The following TYSND1 variants were observed in gnomAD, a reference collection of about 807,000 sequenced individuals.
TYSND1 encodes the protein trypsin like peroxisomal matrix peptidase 1.
TYSND1 carries 30 observed loss-of-function variants against 37.2 expected under a neutral mutation model. That is an observed-to-expected ratio of 0.81 (90% confidence interval 0.60 to 1.09). The LOEUF is 1.09. Ranked by LOEUF, TYSND1 falls within the 50% of genes least tolerant of loss-of-function variation. The pLI is 0.00. For missense variants in TYSND1, 806 were observed against 817.4 expected, an observed-to-expected ratio of 0.99 and a Z score of 0.17; for synonymous variants, 364 against 383.8, an observed-to-expected ratio of 0.95 and a Z score of 0.60.
Position 70,146,393 on chromosome 10 carries a change from G to A in TYSND1, c.194C>T (p.Thr65Ile), listed in dbSNP as rs755900764. Residue 65 changes from threonine (T) to isoleucine (I), a missense_variant, in exon 1 of 4, where the codon ACC becomes ATC. Thr to Ile is a moderately conservative substitution (Grantham distance 89, BLOSUM62 -1). Around this residue, in one of 3 missense-constraint regions of TYSND1, gnomAD observed 14 missense variants for 33.0 expected, o/e 0.42. Coordinates refer to ENST00000287078, the MANE Select transcript of TYSND1 (RefSeq NM_173555.4). Reference protein sequence around the residue: ...PFLRAGSEVLTAAGAVFLPGD... With the variant: ...PFLRAGSEVLIAAGAVFLPGD... The stretch of plus-strand genomic sequence containing the variant: ...AGGCAGGAAGACGGCGCCGGCCGCG[G>A]TCAGGACTTCGCTGCCAGCTCGCAG... 5.7e-6 allele frequency: 9 copies of A among 1,585,986 alleles called. No homozygotes were observed. Among genetic ancestry groups the A allele is most frequent in the Non-Finnish European group, 6.0e-6 (7 of 1,171,862 alleles).
At chr10:70,144,541 T>C in intron 1 of TYSND1, 2 of 987,572 alleles carry the variant, frequency 2.0e-6, no homozygotes, top group Non-Finnish European at 2.4e-6. Flanking sequence ...ACATTCAGCG[T>C]CAACTCCCGG....
rs750844425 is a variant in TYSND1 at position 70,145,530 on chromosome 10, C to T, written c.1057G>A (p.Gly353Ser). The T allele has an allele frequency of 1.3e-6, 2 of 1,519,198 alleles. No homozygotes were observed. Among genetic ancestry groups the T allele is most frequent in the African/African-American group, 1.4e-5 (1 of 70,164 alleles). 94.1% of individuals were successfully genotyped at this position (1,519,198 alleles called of 1,614,324 possible). A position where few individuals can be genotyped will look rare whatever the true frequency, so the allele number is the denominator to read the frequency against. The part of the protein sequence containing the change: ...WAAAAVLVEC[G>S]TVWGSGVAVA... ...GCCACTCCGGAGCCCCATACGGTGC[C>T]GCACTCCACCAACACTGCCGCGGCT... Residue 353 changes from glycine (G) to serine (S), a missense_variant, in exon 1 of 4, where the codon GGC becomes AGC. Gly to Ser is a moderately conservative substitution (Grantham distance 56). Around this residue, in one of 3 missense-constraint regions of TYSND1, gnomAD observed 708 missense variants for 705.4 expected, o/e 1.00. Transcript: ENST00000287078.
rs1022119664 is a variant in TYSND1 at position 70,139,890 on chromosome 10, G to A, written c.*34C>T. The A allele has an allele frequency of 6.3e-7, 1 of 1,588,368 alleles. No individual in the cohort carries two copies. The highest frequency in any genetic ancestry group is 8.6e-7 in the Non-Finnish European group (1 of 1,163,554). On this transcript the variant is annotated 3_prime_UTR_variant, in exon 4 of 4. Coordinates refer to ENST00000287078, the MANE Select transcript of TYSND1 (RefSeq NM_173555.4). ...AACATCACTTCCTACAGCAGAAAAA[G>A]GTCACTCTTCTTTCCAAAGGTGGTA...
At position 70,139,942 on chromosome 10, in the gene TYSND1, G is replaced by A; in HGVS notation, c.1683C>T (p.Ala561=). The change falls in exon 4 of 4, where the codon GCC becomes GCT. Residue 561 remains alanine (A), a synonymous_variant. Transcript: ENST00000287078. ...CACAGCCTCAGAGCTTGCTCCGCGG[G>A]GCCTCTGCCAGGGGCCGCTGCAACC... The part of the protein sequence containing the change: ...VWRLQRPLAE[A]PRSKL The A allele has an allele frequency of 5.0e-6, 8 of 1,613,240 alleles. No homozygotes were observed. The highest frequency in any genetic ancestry group is 6.8e-6 in the Non-Finnish European group (8 of 1,179,812).
At chr10:70,143,691 TGCCCCACCA>T in intron 2 of TYSND1, 142 bp downstream of exon 2, 1 of 912,298 alleles carries the variant, frequency 1.1e-6, no homozygotes, top group Non-Finnish European at 1.6e-6. Context: ...GCACTCCATG[TGCCCCACCA>T]GCACAAAAAG....
chr10:70,144,776 C>T (rs935655206), intron 1 of TYSND1: 1 of 985,514 alleles, frequency 1.0e-6, no homozygotes, highest in South Asian at 4.7e-5. Context: ...AGTGGGGACA[C>T]CTATGGCAAA....
intron 2 of TYSND1, 103 bp downstream of exon 2, chr10:70,143,739 A>G (rs945498696): frequency 1.4e-6 from 2 of 1,464,192 alleles, no homozygotes; most frequent in Non-Finnish European, 1.9e-6. Flanking sequence ...ACCTTGACCA[A>G]TGCTACCCTG....
rs1451486423 is a variant in TYSND1, at chr10:70,146,296, G to A, written c.291C>T (p.Gly97=). 5 of 1,478,982 alleles carry A rather than the reference G, an allele frequency of 3.4e-6. No homozygotes were observed. The highest frequency in any genetic ancestry group is 3.6e-6 in the Non-Finnish European group (4 of 1,124,786). The allele number at this position is 1,478,982 out of a possible 1,614,324, so 91.6% of individuals were successfully genotyped here. ...WAPTAAGPGG[G]AERGRPGLCT... The stretch of plus-strand genomic sequence containing the variant: ...ACAGCCCTGGGCGGCCCCGCTCCGC[G>A]CCGCCCCCGGGACCCGCGGCCGTTG... Residue 97 remains glycine, a synonymous_variant, in exon 1 of 4, where the codon GGC becomes GGT. Transcript: ENST00000287078.
At position 70,145,956 on chromosome 10, in the gene TYSND1, C is replaced by G. The variant is rs769411347; in HGVS notation, c.631G>C (p.Gly211Arg). ...AATGGCGCACCCTTGGGCACGGCCC[C>G]GAGAGGCGACACCGCCATGGCTGGC... Reference protein sequence around the residue: ...RGPAMAVSPLGAVPKGAPLLV... With the variant: ...RGPAMAVSPLRAVPKGAPLLV... The change falls in exon 1 of 4, where the codon GGG becomes CGG. Residue 211 changes from glycine to arginine, a missense_variant. Gly to Arg is a moderately radical substitution (Grantham distance 125). Coordinates refer to ENST00000287078, the MANE Select transcript of TYSND1 (RefSeq NM_173555.4). 2 of 1,557,564 alleles carry G rather than the reference C, an allele frequency of 1.3e-6. No homozygotes were observed. Among genetic ancestry groups the G allele is most frequent in the Non-Finnish European group, 8.7e-7 (1 of 1,151,944 alleles).
rs1317697096 is a variant in TYSND1 at position 70,146,213 on chromosome 10, G to A, written c.374C>T (p.Pro125Leu). 6.6e-6 allele frequency: 10 copies of A among 1,515,640 alleles called. No homozygotes were observed. Among genetic ancestry groups the A allele is most frequent in the African/African-American group, 2.8e-5 (2 of 71,894 alleles). The allele number at this position is 1,515,640 out of a possible 1,614,324, so 93.9% of individuals were successfully genotyped here. Residue 125 changes from proline to leucine, a missense_variant, in exon 1 of 4, where the codon CCC becomes CTC. This residue lies in a region of TYSND1 where 708 missense variants were observed against 705.4 expected (regional missense o/e 1.00). Coordinates refer to ENST00000287078, the MANE Select transcript of TYSND1 (RefSeq NM_173555.4). ...CTCAGCAGGAAGCCGGGGCTGCAGGGGACGCCCGCGGGACGGGGCAGGTGG... is the reference window on the plus strand; with the variant it reads ...CTCAGCAGGAAGCCGGGGCTGCAGGAGACGCCCGCGGGACGGGGCAGGTGG... ...PGPPAPSRGR[P>L]LQPRLPAELL...
chr10:70,139,186 A>G lies in TYSND1; in HGVS notation c.*738T>C, dbSNP rs932426408. ...GTTCAACTCCTGAAAAAAAGAAACA[A>G]TTTGATATATAAATACAGAGGTTTT... On this transcript the variant is annotated 3_prime_UTR_variant, in exon 4 of 4. Transcript: ENST00000287078. 2 of 152,568 alleles carry G rather than the reference A, an allele frequency of 1.3e-5. No homozygotes were observed. The highest frequency in any genetic ancestry group is 2.9e-5 in the Non-Finnish European group (2 of 68,040). 9.5% of individuals were successfully genotyped at this position (152,568 alleles called of 1,614,324 possible). A position where few individuals can be genotyped will look rare whatever the true frequency, so the allele number is the denominator to read the frequency against.
At position 70,146,057 on chromosome 10, in the gene TYSND1, T is replaced by C. The variant is rs1395504073; in HGVS notation, c.530A>G (p.Asp177Gly). Residue 177 changes from aspartate (D) to glycine (G), a missense_variant, in exon 1 of 4, where the codon GAT (aspartate) becomes GGT (glycine). Physicochemically the swap from Asp to Gly is moderately conservative, Grantham distance 94. Around this residue, in one of 3 missense-constraint regions of TYSND1, gnomAD observed 708 missense variants for 705.4 expected, o/e 1.00. Transcript: ENST00000287078. ...AAACCAGCCCAGCGCTCTCAGTTGA[T>C]CCGCCTCCTCGTCCTCCGACACTTC... ...DDEVSEDEEA[D>G]QLRALGWFAL... 1 of 1,594,850 alleles carries C rather than the reference T, an allele frequency of 6.3e-7. No homozygotes were observed. Among genetic ancestry groups the C allele is most frequent in the African/African-American group, 1.3e-5 (1 of 74,540 alleles).
At chr10:70,141,588 T>C (rs1420905095) in intron 3 of TYSND1, among the ~76,000 whole-genome samples, 1 of 152,222 alleles carries the variant, frequency 6.6e-6, no homozygotes, top group Non-Finnish European at 1.5e-5. Flanking sequence ...AAGAATACCA[T>C]AAAAGCCATG....
Position 70,139,961 on chromosome 10 carries a change from T to G in TYSND1, c.1664A>C (p.Gln555Pro), listed in dbSNP as rs537662254. 14 of 1,613,660 alleles carry G rather than the reference T, an allele frequency of 8.7e-6. No individual in the cohort carries two copies. In the African/African-American group the frequency reaches 1.5e-4, roughly 17 times the overall value. The change falls in exon 4 of 4, where the codon CAG (glutamine) becomes CCG (proline). Residue 555 changes from glutamine to proline, a missense_variant. Around this residue, in one of 3 missense-constraint regions of TYSND1, gnomAD observed 708 missense variants for 705.4 expected, o/e 1.00. Transcript: ENST00000287078. The part of the protein sequence containing the change: ...AEPVRVVWRL[Q>P]RPLAEAPRSK... Reference sequence around the variant, plus strand: ...CCGCGGGGCCTCTGCCAGGGGCCGCTGCAACCGCCACACCACCCTGACTGG... The same window carrying G: ...CCGCGGGGCCTCTGCCAGGGGCCGCGGCAACCGCCACACCACCCTGACTGG...
Position 70,146,440 on chromosome 10 carries a change from G to A in TYSND1, c.147C>T (p.His49=). ...LSRSPGLVLC[H]GGIFVPFLRA... ...GCAGGAAGGGGACGAAGATGCCCCCGTGGCAAAGCACCAGGCCCGGGCTAC... is the reference window on the plus strand; with the variant it reads ...GCAGGAAGGGGACGAAGATGCCCCCATGGCAAAGCACCAGGCCCGGGCTAC... Residue 49 remains histidine (H), a synonymous_variant, in exon 1 of 4, where the codon CAC becomes CAT. Coordinates refer to ENST00000287078, the MANE Select transcript of TYSND1 (RefSeq NM_173555.4). 2 of 1,603,506 alleles carry A rather than the reference G, an allele frequency of 1.2e-6. No homozygotes were observed. Among genetic ancestry groups the A allele is most frequent in the East Asian group, 2.2e-5 (1 of 44,662 alleles).
At chr10:70,144,502 G>C in intron 1 of TYSND1, 1 of 988,708 alleles carries the variant, frequency 1.0e-6, no homozygotes, top group Non-Finnish European at 1.2e-6. Context: ...CACTTCTGTA[G>C]CACACGACGT....
At chr10:70,145,303 C>T (rs1022861876) in intron 1 of TYSND1, 118 bp downstream of exon 1, 34 of 1,021,118 alleles carry the variant, frequency 3.3e-5, no homozygotes, top group Middle Eastern at 5.4e-4. Context: ...CTACCCACTA[C>T]ACGCCCAAAG....
At position 70,144,019 on chromosome 10, in the gene TYSND1, G is replaced by A. The variant is rs778457958; in HGVS notation, c.1167-47C>T. 84 of 1,610,512 alleles carry A rather than the reference G, an allele frequency of 5.2e-5. No individual in the cohort carries two copies. The Admixed American group carries it at 9.4e-4, about 18-fold the overall frequency. ...GACAGGCTAGCTTTCTGACTCCTCA[G>A]TACTTGGGAGAAATCAAGGAGCTGA... On this transcript the variant is annotated intron_variant, in intron 1 of 3. Coordinates refer to ENST00000287078, the MANE Select transcript of TYSND1 (RefSeq NM_173555.4).
rs760546072 is a variant in TYSND1 at position 70,140,050 on chromosome 10, G to A, written c.1575C>T (p.Ala525=). The A allele has an allele frequency of 6.2e-7, 1 of 1,614,200 alleles. No individual in the cohort carries two copies. Among genetic ancestry groups the A allele is most frequent in the South Asian group, 1.1e-5 (1 of 91,088 alleles). ...CTTGGGTCTGGCTGTACTGCTGCAGGGCCGGCTGGAGCACCGTGATGGGAA... is the reference window on the plus strand; with the variant it reads ...CTTGGGTCTGGCTGTACTGCTGCAGAGCCGGCTGGAGCACCGTGATGGGAA... ...FSIPITVLQP[A]LQQYSQTQDL... The change falls in exon 4 of 4, where the codon GCC becomes GCT. Residue 525 remains alanine, a synonymous_variant. Coordinates refer to ENST00000287078, the MANE Select transcript of TYSND1 (RefSeq NM_173555.4).
Sources: allele counts gnomAD v4.1 joint callset (sites outside exome capture counted in the v4.1 genomes callset), GRCh38; gene constraint gnomAD v4.1.1; regional missense constraint gnomAD v4.1.1; transcripts MANE v1.5; gene names NCBI Gene and HGNC (gene_info 2026-07-23, HGNC 2026-07-21).